Variants in GRM8 observed in about 807,000 individuals in gnomAD.
GRM8 encodes metabotropic glutamate receptor 8.
Under a neutral mutation model 87.2 loss-of-function variants are expected in GRM8, and 47 were observed. That is an observed-to-expected ratio of 0.54 (90% confidence interval 0.43 to 0.69). The LOEUF is 0.69. Ranked by LOEUF, GRM8 falls within the 30% of genes least tolerant of loss-of-function variation. The pLI is 0.00. For synonymous variants in GRM8, 396 were observed against 404.5 expected, an observed-to-expected ratio of 0.98 and a Z score of 0.25; for missense variants, 1,019 against 1,139.2, an observed-to-expected ratio of 0.89 and a Z score of 1.52.
chr7:126,504,818 T>A (rs1438218567), intron 9 of GRM8, among the ~76,000 whole-genome samples: 2 of 152,068 alleles, frequency 1.3e-5, no homozygotes, highest in Non-Finnish European at 2.9e-5. Flanking sequence ...TTACACAGGA[T>A]AATCATGATT....
At chr7:126,530,591 G>A (rs1814641903) in intron 9 of GRM8, among the ~76,000 whole-genome samples, 1 of 152,244 alleles carries the variant, frequency 6.6e-6, no homozygotes, top group South Asian at 2.1e-4. Context: ...GTTAATGGAT[G>A]TGTGTGCTAG....
chr7:126,905,897 G>A lies in GRM8; in HGVS notation c.728-1214C>T, dbSNP rs79909007. 8.8e-3 allele frequency among the ~76,000 whole-genome samples: 1,339 copies of A among 152,300 alleles called. 12 individuals carry two copies. The highest frequency in any genetic ancestry group is 0.03 in the African/African-American group (1,244 of 41,554). ...TGGAACATGTCTGGTGGAGGCCAAA[G>A]TATGTAAAAACCTAGCATGATCATG... On this transcript the variant is annotated intron_variant, in intron 3 of 10. Coordinates refer to ENST00000339582, the MANE Select transcript of GRM8 (RefSeq NM_000845.3).
intron 8 of GRM8, among the ~76,000 whole-genome samples, chr7:126,573,737 C>T (rs1426231358): frequency 3.3e-5 from 5 of 151,922 alleles, no homozygotes; most frequent in South Asian, 4.2e-4. Context: ...GGGAGTGTGC[C>T]ACCATGCCTG....
intron 3 of GRM8, among the ~76,000 whole-genome samples, chr7:126,959,702 A>T (rs1809110048): frequency 6.6e-6 from 1 of 152,202 alleles, no homozygotes; most frequent in South Asian, 2.1e-4. Flanking sequence ...AGGACCCTAA[A>T]TTCCTTGTGG....
chr7:126,749,798 C>A (rs555637922), intron 7 of GRM8, among the ~76,000 whole-genome samples: 1 of 151,898 alleles, frequency 6.6e-6, no homozygotes, highest in Non-Finnish European at 1.5e-5. Context: ...TATACACTCA[C>A]GAAAATAGCT....
chr7:126,761,242 G>A (rs555921551), intron 7 of GRM8, among the ~76,000 whole-genome samples: 1 of 125,008 alleles, frequency 8.0e-6, no homozygotes, highest in East Asian at 2.0e-4. Context: ...AGAAAGTAGT[G>A]TCAAGTTGAT....
intron 8 of GRM8, among the ~76,000 whole-genome samples, chr7:126,599,910 G>C (rs1311001002): frequency 6.6e-6 from 1 of 152,084 alleles, no homozygotes; most frequent in Non-Finnish European, 1.5e-5. Context: ...GCCTGCACTA[G>C]AGCATTGGCA....
chr7:127,249,980 CA>C (rs1348499168), intron 1 of GRM8, among the ~76,000 whole-genome samples: 1 of 152,154 alleles, frequency 6.6e-6, no homozygotes, highest in African/African-American at 2.4e-5. Context: ...AGAGCAACTC[CA>C]CTCCCCCCAA....
intron 6 of GRM8, among the ~76,000 whole-genome samples, chr7:126,806,589 C>G (rs1207433093): frequency 6.6e-6 from 1 of 152,220 alleles, no homozygotes; most frequent in East Asian, 1.9e-4. Flanking sequence ...AAACCTTTGG[C>G]TAGACACAGA....
chr7:126,534,806 G>A (rs1222364971), intron 8 of GRM8, among the ~76,000 whole-genome samples: 4 of 152,170 alleles, frequency 2.6e-5, no homozygotes, highest in Admixed American at 6.5e-5. Flanking sequence ...TACAGATGAC[G>A]GGAGACCACT....
At chr7:127,109,061 T>C (rs1826089722) in intron 2 of GRM8, among the ~76,000 whole-genome samples, 2 of 152,186 alleles carry the variant, frequency 1.3e-5, no homozygotes, top group Non-Finnish European at 1.5e-5. Flanking sequence ...CCAGTATTTC[T>C]ACCACCCGCA....
intron 8 of GRM8, among the ~76,000 whole-genome samples, chr7:126,589,937 G>T (rs1451777727): frequency 6.6e-6 from 1 of 152,032 alleles, no homozygotes; most frequent in Non-Finnish European, 1.5e-5. Context: ...AAAAGAACCA[G>T]AAAATCACTT....
Position 127,251,513 on chromosome 7 carries a change from C to G in GRM8, c.-312+1284G>C, listed in dbSNP as rs1270872078. 2.6e-5 allele frequency among the ~76,000 whole-genome samples: 4 copies of G among 152,128 alleles called. No homozygotes were observed. In the South Asian group the frequency reaches 8.3e-4, roughly 31 times the overall value. On this transcript the variant is annotated intron_variant, in intron 1 of 10. Coordinates refer to ENST00000339582, the MANE Select transcript of GRM8 (RefSeq NM_000845.3). ...GCGACCACTCAGCCCGCCAGGAGCC[C>G]CTGTTTCCCAGCGCAGGTTCCTTTT...
intron 3 of GRM8, among the ~76,000 whole-genome samples, chr7:126,947,897 G>A (rs960444147): frequency 6.6e-6 from 1 of 152,178 alleles, no homozygotes; most frequent in African/African-American, 2.4e-5. Context: ...GCCGTTAGAG[G>A]AAATGGTCAA....
chr7:127,176,928 G>A (rs1486067282), intron 2 of GRM8, among the ~76,000 whole-genome samples: 3 of 152,156 alleles, frequency 2.0e-5, no homozygotes, highest in Non-Finnish European at 4.4e-5. Context: ...CAGAGGAGCA[G>A]GGGATAAACT....
intron 8 of GRM8, among the ~76,000 whole-genome samples, chr7:126,567,397 G>A (rs1239158664): frequency 2.0e-5 from 3 of 150,384 alleles, no homozygotes; most frequent in South Asian, 4.2e-4. Flanking sequence ...ATCACACACC[G>A]GGGACTGTTG....
At chr7:126,466,287 AT>A (rs1169795513) in intron 9 of GRM8, among the ~76,000 whole-genome samples, 2 of 151,748 alleles carry the variant, frequency 1.3e-5, no homozygotes, top group East Asian at 1.9e-4. Flanking sequence ...AGAGATGTTG[AT>A]TTTTTTCATT....
intron 7 of GRM8, among the ~76,000 whole-genome samples, chr7:126,765,922 C>T (rs879463158): frequency 6.6e-6 from 1 of 151,920 alleles, no homozygotes; most frequent in African/African-American, 2.4e-5. Context: ...TTTAAAAAAT[C>T]AGTTTCAGTG....
chr7:126,576,701 C>A (rs974005494), intron 8 of GRM8, among the ~76,000 whole-genome samples: 1 of 152,156 alleles, frequency 6.6e-6, no homozygotes, highest in African/African-American at 2.4e-5. Flanking sequence ...TTTCTCTCTT[C>A]CCACCTTTTT....
Sources: allele counts gnomAD v4.1 joint callset (sites outside exome capture counted in the v4.1 genomes callset), GRCh38; gene constraint gnomAD v4.1.1; transcripts MANE v1.5; gene names NCBI Gene and HGNC (gene_info 2026-07-23, HGNC 2026-07-21).